The following MAGI1 variants were observed in gnomAD, a reference collection of about 807,000 sequenced individuals.
MAGI1 encodes membrane associated guanylate kinase, WW and PDZ domain containing 1, also known as membrane-associated guanylate kinase, WW and PDZ domain-containing protein 1.
MAGI1 carries 58 observed loss-of-function variants against 139.9 expected under a neutral mutation model. The ratio of observed to expected loss-of-function variants is 0.41; its 90% confidence interval spans 0.34 to 0.52. The LOEUF (loss-of-function observed/expected upper bound fraction) is 0.52. Ranked by LOEUF, MAGI1 falls within the 20% of genes least tolerant of loss-of-function variation. The pLI is 0.12. For missense variants in MAGI1, 1,874 were observed against 1,901.6 expected (o/e 0.99, Z 0.27); for synonymous variants, 812 against 737.9 (o/e 1.10, Z -1.63).
At chr3:65,680,570 G>T (rs957384954) in intron 1 of MAGI1, among the ~76,000 whole-genome samples, 1 of 151,864 alleles carries the variant, frequency 6.6e-6, no homozygotes, top group Admixed American at 6.6e-5. Flanking sequence ...ACACACCACC[G>T]CACCTGGTTA....
intron 1 of MAGI1, among the ~76,000 whole-genome samples, chr3:65,858,322 T>C (rs1390002780): frequency 6.6e-6 from 1 of 152,148 alleles, no homozygotes; most frequent in Non-Finnish European, 1.5e-5. Flanking sequence ...CGAAGTGATG[T>C]TGTGATTTAT....
intron 18 of MAGI1, among the ~76,000 whole-genome samples, chr3:65,370,920 G>T (rs775588760): frequency 6.6e-6 from 1 of 152,230 alleles, no homozygotes; most frequent in Non-Finnish European, 1.5e-5. Flanking sequence ...GTCTCCACAA[G>T]TGCTGGGATT....
At chr3:65,632,147 A>G (rs1439708759) in intron 1 of MAGI1, among the ~76,000 whole-genome samples, 6 of 152,206 alleles carry the variant, frequency 3.9e-5, no homozygotes, top group Non-Finnish European at 5.9e-5. Context: ...ATTGATGAGT[A>G]TGAATATTAT....
At chr3:65,953,504 G>A (rs1051123409) in intron 1 of MAGI1, among the ~76,000 whole-genome samples, 1 of 152,132 alleles carries the variant, frequency 6.6e-6, no homozygotes, top group Non-Finnish European at 1.5e-5. Context: ...CGGAAACCTG[G>A]GTCCCTCCGA....
chr3:65,646,829 T>C (rs1488253440), intron 1 of MAGI1, among the ~76,000 whole-genome samples: 1 of 152,040 alleles, frequency 6.6e-6, no homozygotes, highest in Admixed American at 6.6e-5. Flanking sequence ...AAGAGAAATT[T>C]TAAATACACA....
intron 16 of MAGI1, among the ~76,000 whole-genome samples, chr3:65,380,478 G>A (rs1942955545): frequency 6.6e-6 from 1 of 152,062 alleles, no homozygotes; most frequent in Admixed American, 6.6e-5. Context: ...TTCCCAAATT[G>A]AAACTCTGTA....
intron 1 of MAGI1, among the ~76,000 whole-genome samples, chr3:65,947,387 T>C (rs1189242325): frequency 6.6e-6 from 1 of 152,200 alleles, no homozygotes; most frequent in African/African-American, 2.4e-5. Flanking sequence ...GGAAAAATTA[T>C]ACAATCAACC....
At chr3:65,742,581 T>C (rs1342181232) in intron 1 of MAGI1, among the ~76,000 whole-genome samples, 1 of 152,146 alleles carries the variant, frequency 6.6e-6, no homozygotes. Context: ...TTAAAGGAGA[T>C]ATTGTGTGTG....
chr3:66,004,120 T>C (rs2107461498), intron 1 of MAGI1, among the ~76,000 whole-genome samples: 1 of 152,270 alleles, frequency 6.6e-6, no homozygotes, highest in South Asian at 2.1e-4. Flanking sequence ...CCTGCTCGGA[T>C]TTTATTAGAA....
chr3:65,379,008 T>C (rs1352983606), intron 17 of MAGI1, among the ~76,000 whole-genome samples: 1 of 152,170 alleles, frequency 6.6e-6, no homozygotes, highest in Non-Finnish European at 1.5e-5. Flanking sequence ...GCAAATCTGA[T>C]GTATGCTTTA....
chr3:65,904,443 T>C (rs1319033964), intron 1 of MAGI1, among the ~76,000 whole-genome samples: 1 of 152,184 alleles, frequency 6.6e-6, no homozygotes, highest in Non-Finnish European at 1.5e-5. Flanking sequence ...GCCACTGCCC[T>C]TAGAACAAAA....
intron 2 of MAGI1, among the ~76,000 whole-genome samples, chr3:65,509,457 G>T (rs903968612): frequency 2.0e-5 from 3 of 152,154 alleles, no homozygotes; most frequent in Non-Finnish European, 4.4e-5. Context: ...CGTACCGTGC[G>T]CAAGCCGAAG....
chr3:65,764,747 C>G (rs1216105000), intron 1 of MAGI1, among the ~76,000 whole-genome samples: 1 of 151,948 alleles, frequency 6.6e-6, no homozygotes. Context: ...AAAGTCGTGT[C>G]ATTTAACTTG....
intron 14 of MAGI1, chr3:65,387,295 G>A: frequency 8.5e-7 from 1 of 1,176,676 alleles, no homozygotes; most frequent in Admixed American, 1.8e-5. Context: ...CTTTAATTTA[G>A]TTTTGATTGA....
intron 2 of MAGI1, among the ~76,000 whole-genome samples, chr3:65,537,365 C>T (rs1032356915): frequency 6.6e-6 from 1 of 152,196 alleles, no homozygotes; most frequent in Non-Finnish European, 1.5e-5. Context: ...TCTCCATGTT[C>T]CCTTTCACTC....
At chr3:65,828,831 C>T (rs1167494389) in intron 1 of MAGI1, among the ~76,000 whole-genome samples, 2 of 152,092 alleles carry the variant, frequency 1.3e-5, no homozygotes, top group Non-Finnish European at 1.5e-5. Context: ...AGAGATGGGA[C>T]AGAAAGAGAA....
At chr3:65,912,775 CATTAACAAATAT>C (rs780239269) in intron 1 of MAGI1, among the ~76,000 whole-genome samples, 18 of 152,280 alleles carry the variant, frequency 1.2e-4, no homozygotes, top group Non-Finnish European at 2.2e-4. Context: ...TCTGACAAGA[CATTAACAAATAT>C]CCCCAGAGGA....
At chr3:65,463,125 T>C (rs537520680) in intron 5 of MAGI1, among the ~76,000 whole-genome samples, 1 of 152,354 alleles carries the variant, frequency 6.6e-6, no homozygotes, top group African/African-American at 2.4e-5. Context: ...TTCTCTTGCC[T>C]GATTGCCCTA....
chr3:65,474,681 A>G (rs187899605), intron 4 of MAGI1, among the ~76,000 whole-genome samples: 2 of 152,244 alleles, frequency 1.3e-5, no homozygotes, highest in Admixed American at 1.3e-4. Flanking sequence ...CTTCAACAAC[A>G]TAAGCCAAGT....
Sources: gnomAD v4.1 joint callset for allele counts (sites outside exome capture counted in the v4.1 genomes callset) on GRCh38, gnomAD v4.1.1 for gene constraint, MANE v1.5 for transcripts, NCBI Gene and HGNC (gene_info 2026-07-23, HGNC 2026-07-21) for gene names.